The following ASAH1 variants were observed in gnomAD, a reference collection of about 807,000 sequenced individuals.
The protein encoded by ASAH1 is acid ceramidase.
A neutral mutation model predicts 59.5 loss-of-function variants in ASAH1; 70 were observed. The observed-to-expected ratio is 1.18, with a 90% CI of 0.97 to 1.43. The LOEUF (loss-of-function observed/expected upper bound fraction) is 1.43. ASAH1 is among the 40% of genes most tolerant of loss of function. The pLI, the probability that ASAH1 is intolerant of heterozygous loss-of-function variation, is 0.00. For missense variants in ASAH1, 660 were observed against 482.5 expected, an observed-to-expected ratio of 1.37 and a Z score of -3.45; for synonymous variants, 213 against 166.5, an observed-to-expected ratio of 1.28 and a Z score of -2.15.
In ASAH1 at chr8:18,071,354, A is replaced by C; in HGVS notation, c.162T>G (p.Leu54=). ...RGAVPWYTIN[L]DLPPYKRWHE... is the part of the protein sequence containing the mutation. ...GCCATCTTTTGTAGGGTGGTAAGTC[A>C]AGATTTATGGTGTACCATGGAACTG... is the stretch of plus-strand genomic sequence containing the variant. The change falls in exon 3 of 14, where the codon CTT becomes CTG. Residue 54 remains leucine, a synonymous_variant. Transcript: ENST00000637790. The C allele has an allele frequency of 6.2e-7, 1 of 1,604,068 alleles. No homozygotes were observed. The highest frequency in any genetic ancestry group is 1.1e-5 in the South Asian group (1 of 89,642).
At chr8:18,062,888 T>TTTA in intron 7 of ASAH1, 1 of 191,096 alleles carries the variant, frequency 5.2e-6, no homozygotes, top group South Asian at 6.7e-5. Flanking sequence ...TTTTTTTTTT[T>TTTA]GAGATGGAGT....
At chr8:18,075,993 C>G (rs1800387952) in intron 1 of ASAH1, 1 of 296,916 alleles carries the variant, frequency 3.4e-6, no homozygotes, top group African/African-American at 2.2e-5. Context: ...GCCTCCCAAA[C>G]CAGATTTTCA....
At chr8:18,082,005 A>G (rs998833521) in intron 1 of ASAH1, among the ~76,000 whole-genome samples, 10 of 152,210 alleles carry the variant, frequency 6.6e-5, no homozygotes, top group African/African-American at 2.2e-4. Flanking sequence ...CATAACATCT[A>G]CCTCTGCCGT....
At chr8:18,079,176 G>C (rs80309426) in intron 1 of ASAH1, among the ~76,000 whole-genome samples, 2 of 151,722 alleles carry the variant, frequency 1.3e-5, no homozygotes, top group Admixed American at 1.3e-4. Flanking sequence ...GGAAGGCTGA[G>C]GTAGGAGAAT....
intron 4 of ASAH1, among the ~76,000 whole-genome samples, chr8:18,068,845 G>A (rs1453578427): frequency 6.6e-6 from 1 of 152,144 alleles, no homozygotes; most frequent in East Asian, 1.9e-4. Context: ...TCCAACCCAG[G>A]CCGGGCATGG....
intron 1 of ASAH1, 125 bp downstream of exon 1, chr8:18,083,856 G>A: frequency 6.6e-7 from 1 of 1,514,856 alleles, no homozygotes; most frequent in Non-Finnish European, 8.8e-7. Context: ...CGAAACCACA[G>A]ACCCCCGTAA....
At chr8:18,072,225 T>C (rs1375614800) in intron 2 of ASAH1, among the ~76,000 whole-genome samples, 1 of 152,236 alleles carries the variant, frequency 6.6e-6, no homozygotes, top group East Asian at 1.9e-4. Flanking sequence ...TGCCTAAAAA[T>C]AACCATCATC....
At chr8:18,067,075 C>A in intron 5 of ASAH1, 145 bp downstream of exon 5, 6 of 680,990 alleles carry the variant, frequency 8.8e-6, no homozygotes, top group South Asian at 2.8e-5. Flanking sequence ...TCTGAAGCTT[C>A]ACTGAGCTGT....
chr8:18,082,894 C>CA (rs1363887632), intron 1 of ASAH1, among the ~76,000 whole-genome samples: 1 of 150,884 alleles, frequency 6.6e-6, no homozygotes, highest in African/African-American at 2.5e-5. Flanking sequence ...TCCCTACCCA[C>CA]AATGGAGCAA....
chr8:18,084,558 C>T (rs1800817249), upstream of ASAH1: 1 of 1,521,752 alleles, frequency 6.6e-7, no homozygotes, highest in Non-Finnish European at 8.9e-7. Flanking sequence ...GAAAAGCGGC[C>T]CGAAATGAGT....
rs1799711019 is a variant in ASAH1 at position 18,061,747 on chromosome 8, A to G, written c.649-7T>C. Reference sequence around the variant, plus strand: ...GTGTAAGACTGAACAGTCCCTGAGAAAAAGACAAAGCAACGAAGTCAGAAA... The same window carrying G: ...GTGTAAGACTGAACAGTCCCTGAGAGAAAGACAAAGCAACGAAGTCAGAAA... On this transcript the variant is annotated splice_region_variant and splice_polypyrimidine_tract_variant and intron_variant, in intron 8 of 13. Coordinates refer to ENST00000637790, the MANE Select transcript of ASAH1 (RefSeq NM_177924.5). 6.4e-7 allele frequency: 1 copy of G among 1,567,496 alleles called. No individual in the cohort carries two copies.
intron 6 of ASAH1, 66 bp downstream of exon 6, chr8:18,064,386 CTAATT>C: frequency 4.2e-6 from 5 of 1,202,602 alleles, no homozygotes; most frequent in Non-Finnish European, 6.1e-6. Flanking sequence ...TTCAGAAGTT[CTAATT>C]TCATTTAGAA....
chr8:18,078,763 A>T (rs535271604), intron 1 of ASAH1, among the ~76,000 whole-genome samples: 29 of 152,340 alleles, frequency 1.9e-4, no homozygotes, highest in South Asian at 2.1e-4. Context: ...TAAAGATTAG[A>T]AACAGATGAT....
upstream of ASAH1, chr8:18,084,417 T>G (rs1800809158): frequency 1.5e-6 from 2 of 1,377,648 alleles, no homozygotes; most frequent in Non-Finnish European, 1.9e-6. Flanking sequence ...CCGTGGCGCC[T>G]CGATGGGGCG....
intron 11 of ASAH1, 38 bp downstream of exon 11, chr8:18,059,534 T>G (rs1799605812): frequency 9.3e-6 from 15 of 1,614,086 alleles, no homozygotes; most frequent in Non-Finnish European, 1.3e-5. Flanking sequence ...AGTGTATGCT[T>G]TTGTTTCTAC....
At chr8:18,070,253 G>A (rs962225225) in intron 3 of ASAH1, among the ~76,000 whole-genome samples, 1 of 152,112 alleles carries the variant, frequency 6.6e-6, no homozygotes, top group Admixed American at 6.6e-5. Context: ...GGGTTCAAGC[G>A]ATTCTCTTGC....
chr8:18,079,559 C>A (rs1301702781), intron 1 of ASAH1, among the ~76,000 whole-genome samples: 2 of 152,052 alleles, frequency 1.3e-5, no homozygotes, highest in Non-Finnish European at 2.9e-5. Flanking sequence ...AATTAGGAGA[C>A]CCTCAATGAA....
chr8:18,057,080 C>A lies in ASAH1; in HGVS notation c.*454G>T. Reference sequence around the variant, plus strand: ...TATTAATTTTAACAGCAGTTAGAACCAGAAGGAAAAGGCTGTTATACAGAA... The same window carrying A: ...TATTAATTTTAACAGCAGTTAGAACAAGAAGGAAAAGGCTGTTATACAGAA... On this transcript the variant is annotated 3_prime_UTR_variant, in exon 14 of 14. Transcript: ENST00000637790. 1.2e-5 allele frequency: 2 copies of A among 170,430 alleles called. No individual in the cohort carries two copies. Among genetic ancestry groups the A allele is most frequent in the South Asian group, 1.4e-4 (1 of 7,298 alleles). The allele number at this position is 170,430 out of a possible 1,614,324, so 10.6% of individuals were successfully genotyped here.
At chr8:18,084,111 C>T (rs550178455), upstream of ASAH1, 23 of 1,589,960 alleles carry the variant, frequency 1.4e-5, no homozygotes, top group South Asian at 2.2e-5. Flanking sequence ...AAAGAAGAGC[C>T]GGCTGGGCCG....
Sources: gnomAD v4.1 joint callset for allele counts (sites outside exome capture counted in the v4.1 genomes callset) on GRCh38, gnomAD v4.1.1 for gene constraint, MANE v1.5 for transcripts, NCBI Gene and HGNC (gene_info 2026-07-23, HGNC 2026-07-21) for gene names.